The following PEPD variants were observed in gnomAD, a reference collection of about 807,000 sequenced individuals.
The protein encoded by PEPD is xaa-Pro dipeptidase.
A neutral mutation model predicts 60.7 loss-of-function variants in PEPD; 53 were observed. The ratio of observed to expected loss-of-function variants is 0.87; its 90% CI spans 0.70 to 1.10. PEPD has a LOEUF of 1.10. Ranked by LOEUF, PEPD falls within the 50% of genes least tolerant of loss-of-function variation. PEPD has a pLI of 0.00. For missense variants in PEPD, 711 were observed against 711.9 expected (o/e 1.00, Z 0.01); for synonymous variants, 267 against 284.1 (o/e 0.94, Z 0.60).
At chr19:33,436,498 G>C (rs923998378) in intron 9 of PEPD, among the ~76,000 whole-genome samples, 1 of 152,222 alleles carries the variant, frequency 6.6e-6, no homozygotes, top group Non-Finnish European at 1.5e-5. Context: ...TATGAGCCAA[G>C]TTCCTGCCTG....
chr19:33,491,106 C>CA (rs1363048537), intron 5 of PEPD, among the ~76,000 whole-genome samples: 8 of 150,600 alleles, frequency 5.3e-5, no homozygotes, highest in Admixed American at 6.6e-5. Flanking sequence ...GACAGTAAAG[C>CA]AAAAAAAAGG....
At chr19:33,438,409 C>A (rs77251038) in intron 9 of PEPD, among the ~76,000 whole-genome samples, 1,674 of 152,322 alleles carry the variant, frequency 0.011, 25 homozygotes, top group South Asian at 0.071. Flanking sequence ...ATGCCAACTG[C>A]GGGACATCAA....
At chr19:33,438,995 A>G (rs961625766) in intron 9 of PEPD, among the ~76,000 whole-genome samples, 20 of 152,160 alleles carry the variant, frequency 1.3e-4, no homozygotes, top group Non-Finnish European at 2.5e-4. Flanking sequence ...GCTGGGACAT[A>G]AGAGACAGGT....
At chr19:33,517,046 T>C (rs1339563136) in intron 1 of PEPD, among the ~76,000 whole-genome samples, 1 of 151,856 alleles carries the variant, frequency 6.6e-6, no homozygotes, top group African/African-American at 2.4e-5. Flanking sequence ...TCAGGAATGG[T>C]GGCTTGTGCA....
intron 9 of PEPD, among the ~76,000 whole-genome samples, chr19:33,432,607 T>C (rs1035206505): frequency 6.6e-6 from 1 of 152,232 alleles, no homozygotes; most frequent in Non-Finnish European, 1.5e-5. Flanking sequence ...GGAGGAAGCC[T>C]CTTTGTCCAG....
At chr19:33,399,799 G>A (rs969796542) in intron 12 of PEPD, among the ~76,000 whole-genome samples, 4 of 152,074 alleles carry the variant, frequency 2.6e-5, no homozygotes, top group Non-Finnish European at 4.4e-5. Flanking sequence ...CACTGAGGGC[G>A]CACTTGGCAG....
intron 11 of PEPD, among the ~76,000 whole-genome samples, chr19:33,403,138 G>A (rs1176579682): frequency 6.6e-6 from 1 of 152,174 alleles, no homozygotes; most frequent in Non-Finnish European, 1.5e-5. Context: ...TGAGGGGGCG[G>A]AGGGGCGCAG....
At chr19:33,464,167 A>G (rs1450088796) in intron 7 of PEPD, 105 bp from the exon 8 acceptor site, 3 of 813,446 alleles carry the variant, frequency 3.7e-6, no homozygotes, top group East Asian at 2.5e-5. Context: ...CACAGCCCAG[A>G]AGGCGTGTTG....
intron 11 of PEPD, among the ~76,000 whole-genome samples, chr19:33,406,694 C>T (rs1165884149): frequency 2.6e-5 from 4 of 152,156 alleles, no homozygotes; most frequent in Non-Finnish European, 5.9e-5. Context: ...GTCCGCAGCG[C>T]GATGGTGGCA....
chr19:33,447,107 C>T (rs568186722), intron 9 of PEPD, among the ~76,000 whole-genome samples: 2 of 152,338 alleles, frequency 1.3e-5, no homozygotes, highest in African/African-American at 4.8e-5. Flanking sequence ...TGCCACCGTG[C>T]TGCTTCTGAA....
intron 1 of PEPD, among the ~76,000 whole-genome samples, chr19:33,520,160 A>G (rs771729192): frequency 3.3e-5 from 5 of 152,056 alleles, no homozygotes; most frequent in Admixed American, 6.6e-5. Context: ...TGGTTCCTTC[A>G]GGAGAGCAGC....
intron 9 of PEPD, among the ~76,000 whole-genome samples, chr19:33,452,327 G>C (rs903380794): frequency 7.9e-5 from 12 of 151,940 alleles, no homozygotes; most frequent in African/African-American, 2.2e-4. Context: ...AAATAAACTA[G>C]CCAAAATCTA....
chr19:33,463,082 G>C (rs1600136403), intron 8 of PEPD, 41 bp from the exon 9 acceptor site: 5 of 1,194,712 alleles, frequency 4.2e-6, no homozygotes, highest in South Asian at 3.6e-5. Flanking sequence ...GTATTAAGCA[G>C]ATCAGTAACA....
At chr19:33,463,768 C>T (rs1969971281) in intron 8 of PEPD, among the ~76,000 whole-genome samples, 3 of 152,252 alleles carry the variant, frequency 2.0e-5, no homozygotes, top group African/African-American at 7.2e-5. Context: ...GCATGATGGG[C>T]AGGTGCCCTA....
chr19:33,412,641 C>A (rs935034866), intron 10 of PEPD, among the ~76,000 whole-genome samples: 1 of 152,258 alleles, frequency 6.6e-6, no homozygotes, highest in African/African-American at 2.4e-5. Context: ...ATATTTATGG[C>A]CCTGCTCAGG....
At chr19:33,409,227 C>T (rs1287832133) in intron 11 of PEPD, among the ~76,000 whole-genome samples, 8 of 152,262 alleles carry the variant, frequency 5.3e-5, no homozygotes, top group Admixed American at 2.0e-4. Context: ...CTCATGGCCA[C>T]GTGGCTCTGG....
intron 4 of PEPD, 145 bp from the exon 5 acceptor site, chr19:33,493,482 G>A: frequency 1.4e-6 from 1 of 718,638 alleles, no homozygotes; most frequent in Non-Finnish European, 2.6e-6. Context: ...TCACCCTGCA[G>A]GTGAAGAAAC....
chr19:33,436,442 G>A (rs1969378308), intron 9 of PEPD, among the ~76,000 whole-genome samples: 1 of 152,180 alleles, frequency 6.6e-6, no homozygotes, highest in South Asian at 2.1e-4. Flanking sequence ...CCTGGTCTGA[G>A]GGCTCCAGTC....
At chr19:33,512,538 A>G (rs1970946653) in intron 2 of PEPD, 55 bp downstream of exon 2, 1 of 1,558,050 alleles carries the variant, frequency 6.4e-7, no homozygotes, top group Non-Finnish European at 8.8e-7. Flanking sequence ...ACTCCTGCTC[A>G]GGACAGCAGC....
Sources: allele counts gnomAD v4.1 joint callset (sites outside exome capture counted in the v4.1 genomes callset), GRCh38; gene constraint gnomAD v4.1.1; transcripts MANE v1.5; gene names NCBI Gene and HGNC (gene_info 2026-07-23, HGNC 2026-07-21).